Variants in UBXN2A observed in about 807,000 individuals in gnomAD.
UBXN2A encodes UBX domain protein 2A.
Under a neutral mutation model 28.4 loss-of-function variants are expected in UBXN2A, and 28 were observed. That is an observed-to-expected ratio of 0.99 (90% confidence interval 0.73 to 1.35). UBXN2A has a LOEUF of 1.35. UBXN2A is among the 40% of genes most tolerant of loss of function. UBXN2A has a pLI of 0.00. For missense variants in UBXN2A, 253 were observed against 297.9 expected (o/e 0.85, Z 1.11); for synonymous variants, 97 against 103.6 (o/e 0.94, Z 0.39).
intron 4 of UBXN2A, among the ~76,000 whole-genome samples, chr2:23,977,501 G>GT (rs1311390726): frequency 6.6e-6 from 1 of 152,056 alleles, no homozygotes; most frequent in Non-Finnish European, 1.5e-5. Flanking sequence ...AATTAGCCGA[G>GT]TGTGGTGGCA....
At chr2:23,989,427 A>G (rs1389047474) in intron 6 of UBXN2A, among the ~76,000 whole-genome samples, 2 of 150,556 alleles carry the variant, frequency 1.3e-5, no homozygotes, top group Non-Finnish European at 3.0e-5. Context: ...CAGTTTTTAT[A>G]CTTTTAATAG....
chr2:23,995,227 CCTCT>C (rs1465939431), intron 6 of UBXN2A, among the ~76,000 whole-genome samples: 16 of 150,678 alleles, frequency 1.1e-4, no homozygotes, highest in Admixed American at 9.2e-4. Context: ...TTTTTTTTTC[CCTCT>C]AATTCACTGC....
At chr2:23,984,585 T>G in intron 5 of UBXN2A, 88 bp from the exon 6 acceptor site, 1 of 1,127,252 alleles carries the variant, frequency 8.9e-7, no homozygotes, top group Non-Finnish European at 1.2e-6. Context: ...AAAGTTATAC[T>G]TGCTATAATA....
intron 2 of UBXN2A, among the ~76,000 whole-genome samples, chr2:23,965,854 C>T (rs549272363): frequency 1.3e-5 from 2 of 152,254 alleles, no homozygotes; most frequent in Middle Eastern, 3.4e-3. Flanking sequence ...GCTTCTGTTT[C>T]GGAAGGTTAT....
intron 1 of UBXN2A, among the ~76,000 whole-genome samples, chr2:23,947,085 A>C (rs1007617743): frequency 6.6e-6 from 1 of 152,092 alleles, no homozygotes; most frequent in Non-Finnish European, 1.5e-5. Context: ...ACAGGGTCTC[A>C]CTGTGTTGCC....
chr2:23,995,524 T>C (rs1271294380), intron 6 of UBXN2A, among the ~76,000 whole-genome samples: 3 of 151,734 alleles, frequency 2.0e-5, no homozygotes, highest in Non-Finnish European at 4.4e-5. Context: ...ACCCCGGATC[T>C]ACTAAAAATA....
chr2:23,966,637 GA>G (rs1410342315), intron 2 of UBXN2A, among the ~76,000 whole-genome samples: 1 of 146,484 alleles, frequency 6.8e-6, no homozygotes, highest in Non-Finnish European at 1.5e-5. Flanking sequence ...ATTTTTAGTA[GA>G]GACGGGGTTT....
chr2:23,958,275 T>C, intron 1 of UBXN2A, 26 bp from the exon 2 acceptor site: 2 of 1,568,232 alleles, frequency 1.3e-6, no homozygotes, highest in Non-Finnish European at 1.7e-6. Flanking sequence ...ACTTTCTTTT[T>C]ACTTACTTTC....
intron 2 of UBXN2A, among the ~76,000 whole-genome samples, chr2:23,961,705 G>A (rs1182060290): frequency 2.0e-5 from 3 of 149,498 alleles, no homozygotes; most frequent in Non-Finnish European, 4.4e-5. Context: ...ACACCACCAC[G>A]CCCAGCTAAT....
intron 5 of UBXN2A, among the ~76,000 whole-genome samples, chr2:23,983,564 C>CT (rs966083601): frequency 2.0e-5 from 3 of 151,890 alleles, no homozygotes; most frequent in Non-Finnish European, 2.9e-5. Flanking sequence ...TTTTGTTTTT[C>CT]TTTTTTTCAA....
At chr2:23,991,012 T>C (rs1380678565) in intron 6 of UBXN2A, among the ~76,000 whole-genome samples, 1 of 152,152 alleles carries the variant, frequency 6.6e-6, no homozygotes, top group Non-Finnish European at 1.5e-5. Context: ...ACAGCTCTTA[T>C]ATGGGCCACC....
intron 2 of UBXN2A, 132 bp from the exon 3 acceptor site, chr2:23,971,144 T>C: frequency 4.0e-6 from 4 of 1,008,800 alleles, no homozygotes; most frequent in Non-Finnish European, 5.4e-6. Context: ...CAAGGTTATA[T>C]TAACTTAGGA....
At chr2:23,977,184 C>T in intron 4 of UBXN2A, 109 bp downstream of exon 4, 1 of 749,764 alleles carries the variant, frequency 1.3e-6, no homozygotes. Context: ...GGAACATAGC[C>T]AGACCTCATC....
chr2:23,976,328 A>G (rs1168659083), intron 3 of UBXN2A, among the ~76,000 whole-genome samples: 1 of 152,168 alleles, frequency 6.6e-6, no homozygotes, highest in Non-Finnish European at 1.5e-5. Context: ...TTGCTCTGGA[A>G]TCTATGATCC....
chr2:23,948,186 A>G (rs1706184704), intron 1 of UBXN2A, among the ~76,000 whole-genome samples: 1 of 151,836 alleles, frequency 6.6e-6, no homozygotes, highest in Non-Finnish European at 1.5e-5. Flanking sequence ...AATCAAAAGT[A>G]AAATTTCATA....
intron 2 of UBXN2A, among the ~76,000 whole-genome samples, chr2:23,962,575 A>G (rs1184057687): frequency 2.0e-5 from 3 of 151,778 alleles, no homozygotes; most frequent in Admixed American, 1.3e-4. Context: ...AATTTACAAA[A>G]GTAAGAGGTT....
At chr2:23,989,667 C>G (rs946976683) in intron 6 of UBXN2A, among the ~76,000 whole-genome samples, 1 of 151,968 alleles carries the variant, frequency 6.6e-6, no homozygotes, top group Non-Finnish European at 1.5e-5. Context: ...CTTTGGGAGG[C>G]CAAGGCGGGC....
chr2:23,961,806 A>G (rs112788077), intron 2 of UBXN2A, among the ~76,000 whole-genome samples: 18,409 of 150,124 alleles, frequency 0.12, 1,196 homozygotes, highest in Middle Eastern at 0.22. Flanking sequence ...TCGGACTCCC[A>G]TAGTGCTGGG....
intron 1 of UBXN2A, among the ~76,000 whole-genome samples, chr2:23,932,251 G>T (rs2150782973): frequency 6.6e-6 from 1 of 152,066 alleles, no homozygotes; most frequent in Admixed American, 6.6e-5. Context: ...CCTGGAGGCA[G>T]AGGTTGCGGT....
Sources: gnomAD v4.1 joint callset for allele counts (sites outside exome capture counted in the v4.1 genomes callset) on GRCh38, gnomAD v4.1.1 for gene constraint, MANE v1.5 for transcripts, NCBI Gene and HGNC (gene_info 2026-07-23, HGNC 2026-07-21) for gene names.